Variants in NCOA1 observed in about 807,000 individuals in gnomAD.
NCOA1 encodes the protein nuclear receptor coactivator 1.
In NCOA1, 35 loss-of-function variants were observed where a neutral mutation model predicts 150.9. The observed-to-expected ratio is 0.23, with a 90% confidence interval of 0.18 to 0.31. NCOA1 has a LOEUF of 0.31. Ranked by LOEUF, NCOA1 falls within the 10% of genes least tolerant of loss-of-function variation. The probability of loss-of-function intolerance (pLI) is 1.00; values close to 1 mark genes in which losing one functional copy is unlikely to be tolerated. For synonymous variants in NCOA1, 590 were observed against 630.0 expected, an observed-to-expected ratio of 0.94 and a Z score of 0.95; for missense variants, 1,491 against 1,749.3, an observed-to-expected ratio of 0.85 and a Z score of 2.63.
chr2:24,538,872 G>A (rs1030825003), intron 1 of NCOA1, among the ~76,000 whole-genome samples: 15 of 152,144 alleles, frequency 9.9e-5, no homozygotes, highest in African/African-American at 3.6e-4. Context: ...ATGTGATATA[G>A]TGTAGTTAAA....
intron 3 of NCOA1, among the ~76,000 whole-genome samples, chr2:24,617,567 G>A (rs920756819): frequency 6.6e-6 from 1 of 152,026 alleles, no homozygotes; most frequent in African/African-American, 2.4e-5. Flanking sequence ...TTCTTTGAAA[G>A]TCATCTGAAC....
At chr2:24,700,817 G>A (rs1377447947) in intron 11 of NCOA1, among the ~76,000 whole-genome samples, 2 of 152,018 alleles carry the variant, frequency 1.3e-5, no homozygotes, top group Non-Finnish European at 2.9e-5. Flanking sequence ...ACCCCACCCC[G>A]GACTACTGAA....
At chr2:24,715,755 G>A (rs1192795651) in intron 14 of NCOA1, among the ~76,000 whole-genome samples, 2 of 152,006 alleles carry the variant, frequency 1.3e-5, no homozygotes, top group Non-Finnish European at 2.9e-5. Context: ...AAATGGAGAG[G>A]GATACCATTT....
chr2:24,646,943 C>G (rs1411349796), intron 4 of NCOA1, among the ~76,000 whole-genome samples: 1 of 151,940 alleles, frequency 6.6e-6, no homozygotes, highest in East Asian at 1.9e-4. Context: ...TTTGATTGAA[C>G]AGTGCATTTT....
At chr2:24,607,800 T>C (rs1292463084) in intron 3 of NCOA1, among the ~76,000 whole-genome samples, 3 of 152,230 alleles carry the variant, frequency 2.0e-5, no homozygotes, top group Non-Finnish European at 4.4e-5. Context: ...ATTTTCTCTT[T>C]CTTGAAGAGT....
intron 10 of NCOA1, among the ~76,000 whole-genome samples, chr2:24,695,430 C>T (rs1235120065): frequency 3.3e-5 from 5 of 152,086 alleles, no homozygotes; most frequent in Non-Finnish European, 7.4e-5. Flanking sequence ...TCTTGTATTA[C>T]ATTACTTTTC....
intron 2 of NCOA1, among the ~76,000 whole-genome samples, chr2:24,583,596 A>G (rs1667286225): frequency 6.6e-6 from 1 of 152,210 alleles, no homozygotes; most frequent in Non-Finnish European, 1.5e-5. Context: ...CTATATTCCC[A>G]TATTTATTGC....
chr2:24,699,011 T>G (rs1673031813), intron 11 of NCOA1, among the ~76,000 whole-genome samples: 1 of 152,182 alleles, frequency 6.6e-6, no homozygotes, highest in Admixed American at 6.5e-5. Flanking sequence ...TTTCACTGGG[T>G]AGAGCTAAGA....
At chr2:24,606,416 T>C (rs1177062086) in intron 3 of NCOA1, among the ~76,000 whole-genome samples, 1 of 152,032 alleles carries the variant, frequency 6.6e-6, no homozygotes, top group Middle Eastern at 3.2e-3. Flanking sequence ...TTTGTATTTT[T>C]AGTAGGGACA....
At chr2:24,757,216 C>T (rs546653997) in intron 20 of NCOA1, among the ~76,000 whole-genome samples, 1 of 152,278 alleles carries the variant, frequency 6.6e-6, no homozygotes, top group African/African-American at 2.4e-5. Context: ...TTCACCAGGG[C>T]TTGAGTAAAA....
At chr2:24,683,627 C>G (rs1672276861) in intron 8 of NCOA1, among the ~76,000 whole-genome samples, 1 of 152,194 alleles carries the variant, frequency 6.6e-6, no homozygotes, top group Non-Finnish European at 1.5e-5. Flanking sequence ...AGTGTCTGTT[C>G]TATTCACTGA....
intron 3 of NCOA1, among the ~76,000 whole-genome samples, chr2:24,628,207 G>A (rs6730997): frequency 0.028 from 4,237 of 151,952 alleles, 63 homozygotes; most frequent in African/African-American, 0.042. Context: ...CGCTGAGGCA[G>A]GAGAATTGCT....
intron 9 of NCOA1, 32 bp from the exon 10 acceptor site, chr2:24,693,220 A>G (rs777996357): frequency 1.1e-5 from 18 of 1,589,002 alleles, no homozygotes; most frequent in East Asian, 2.2e-5. Context: ...TCTACTCTCT[A>G]TCCTTCAATT....
At chr2:24,624,531 C>T (rs1669316002) in intron 3 of NCOA1, among the ~76,000 whole-genome samples, 1 of 152,134 alleles carries the variant, frequency 6.6e-6, no homozygotes, top group South Asian at 2.1e-4. Context: ...CCTGTTCTCC[C>T]TGCCTACCAA....
Position 24,758,060 on chromosome 2 carries a change from T to C in NCOA1, c.3969T>C (p.Gly1323=), listed in dbSNP as rs775074889. 6.2e-6 allele frequency: 10 copies of C among 1,613,676 alleles called. No homozygotes were observed. The African/African-American group carries it at 6.7e-5, about 11-fold the overall frequency. ...NNMSITVSMA[G]GNTNVQNMNP... ...TGAGCATCACCGTTTCCATGGCAGG[T>C]GGAAATACGAATGTTCAGAACATGA... is the stretch of plus-strand genomic sequence containing the variant. The change falls in exon 21 of 23, where the codon GGT becomes GGC. Residue 1323 remains glycine (G), a synonymous_variant. Transcript: ENST00000348332.
At position 24,510,061 on chromosome 2, in the gene NCOA1, T is replaced by G. The variant is rs1045698135; in HGVS notation, c.-396+18459T>G. On this transcript the variant is annotated intron_variant, in intron 1 of 22. Transcript: ENST00000348332. Reference sequence around the variant, plus strand: ...GGGGCAGAGTGTAGGACTGTGCACTTTTTTTGAGACGGAGTTTCACTCTTG... The same window carrying G: ...GGGGCAGAGTGTAGGACTGTGCACTGTTTTTGAGACGGAGTTTCACTCTTG... Among the ~76,000 whole-genome samples, 6 of 152,208 alleles carry G rather than the reference T, an allele frequency of 3.9e-5. No homozygotes were observed. The East Asian group carries it at 1.2e-3, about 29-fold the overall frequency.
chr2:24,557,134 A>T (rs561568446), intron 1 of NCOA1, among the ~76,000 whole-genome samples: 2 of 133,720 alleles, frequency 1.5e-5, no homozygotes, highest in African/African-American at 5.3e-5. Context: ...ATGCCTTCAG[A>T]CTTTGCTAAA....
chr2:24,700,319 A>T (rs1004722967), intron 11 of NCOA1, among the ~76,000 whole-genome samples: 1 of 152,004 alleles, frequency 6.6e-6, no homozygotes, highest in Non-Finnish European at 1.5e-5. Context: ...TATCTTCCTG[A>T]TTTTGTGTAG....
At chr2:24,497,524 T>C (rs1018112951) in intron 1 of NCOA1, among the ~76,000 whole-genome samples, 4 of 152,068 alleles carry the variant, frequency 2.6e-5, no homozygotes, top group Admixed American at 1.3e-4. Flanking sequence ...ATACAAAAAA[T>C]AGCCGGGTGT....
Sources: allele counts gnomAD v4.1 joint callset (sites outside exome capture counted in the v4.1 genomes callset), GRCh38; gene constraint gnomAD v4.1.1; transcripts MANE v1.5; gene names NCBI Gene and HGNC (gene_info 2026-07-23, HGNC 2026-07-21).